Variants in PPP3CA observed in about 807,000 individuals in gnomAD.
PPP3CA encodes CAM-PRP catalytic subunit.
In PPP3CA, 14 loss-of-function variants were observed where a neutral mutation model predicts 66.5. That is an observed-to-expected ratio of 0.21 (90% CI 0.14 to 0.33). PPP3CA has a LOEUF of 0.33. Among genes scored for constraint, PPP3CA ranks in the 10% least tolerant of loss-of-function variants. The pLI is 1.00. For synonymous variants in PPP3CA, 232 were observed against 226.2 expected, an observed-to-expected ratio of 1.03 and a Z score of -0.23; for missense variants, 317 against 639.5, an observed-to-expected ratio of 0.50 and a Z score of 5.44.
At position 101,083,179 on chromosome 4, in the gene PPP3CA, T is replaced by C; in HGVS notation, c.860+7A>G. 2.0e-6 allele frequency: 3 copies of C among 1,476,818 alleles called. No individual in the cohort carries two copies. Among genetic ancestry groups the C allele is most frequent in the East Asian group, 2.6e-5 (1 of 38,178 alleles). 91.5% of individuals were successfully genotyped at this position (1,476,818 alleles called of 1,614,324 possible). ...CATGGTTTTTATAAATGCTCAAAAC[T>C]GCTCACCCTGCATCTTGGGCTTCGT... On this transcript the variant is annotated splice_region_variant and intron_variant, in intron 7 of 13. Transcript: ENST00000394854.
intron 2 of PPP3CA, among the ~76,000 whole-genome samples, chr4:101,128,461 G>T (rs1259311322): frequency 1.3e-5 from 2 of 151,814 alleles, no homozygotes; most frequent in Non-Finnish European, 2.9e-5. Context: ...TGGGCAAGAT[G>T]GCCGAATAGG....
At chr4:101,066,103 C>T (rs1358799291) in intron 8 of PPP3CA, among the ~76,000 whole-genome samples, 3 of 152,126 alleles carry the variant, frequency 2.0e-5, no homozygotes, top group Non-Finnish European at 2.9e-5. Context: ...TATCTGCCCA[C>T]AGTCACACTT....
At chr4:101,324,161 GAA>G (rs1305987057) in intron 1 of PPP3CA, among the ~76,000 whole-genome samples, 31 of 80,880 alleles carry the variant, frequency 3.8e-4, no homozygotes, top group Middle Eastern at 0.014. Flanking sequence ...AGGGAGGAAG[GAA>G]GGAAGGAAGG....
intron 2 of PPP3CA, among the ~76,000 whole-genome samples, chr4:101,176,590 T>A (rs756179936): frequency 6.6e-6 from 1 of 152,068 alleles, no homozygotes; most frequent in Non-Finnish European, 1.5e-5. Context: ...ATATGACTAT[T>A]TAGAGCAGAA....
chr4:101,060,971 A>C, intron 10 of PPP3CA, 116 bp downstream of exon 10: 1 of 858,228 alleles, frequency 1.2e-6, no homozygotes, highest in Non-Finnish European at 1.9e-6. Flanking sequence ...TTTATTCTCA[A>C]TAATGTTACG....
intron 1 of PPP3CA, among the ~76,000 whole-genome samples, chr4:101,262,201 G>A (rs954693503): frequency 6.6e-6 from 1 of 151,832 alleles, no homozygotes; most frequent in Non-Finnish European, 1.5e-5. Context: ...TCTGCAAATA[G>A]GCAGTCAAAG....
intron 1 of PPP3CA, among the ~76,000 whole-genome samples, chr4:101,278,255 G>C (rs930375483): frequency 1.3e-5 from 2 of 151,760 alleles, no homozygotes; most frequent in Non-Finnish European, 2.9e-5. Context: ...TTACAATGAG[G>C]TAAGCATGTC....
At chr4:101,245,423 C>T (rs1045190906) in intron 1 of PPP3CA, among the ~76,000 whole-genome samples, 5 of 152,156 alleles carry the variant, frequency 3.3e-5, no homozygotes, top group African/African-American at 1.2e-4. Context: ...ATATACTGTA[C>T]GCTTTTACCA....
At chr4:101,295,716 C>G (rs1455831513) in intron 1 of PPP3CA, among the ~76,000 whole-genome samples, 1 of 152,216 alleles carries the variant, frequency 6.6e-6, no homozygotes, top group Admixed American at 6.5e-5. Flanking sequence ...AGATGATTAG[C>G]AAACTTACAA....
chr4:101,267,756 G>C (rs986363391), intron 1 of PPP3CA, among the ~76,000 whole-genome samples: 32 of 152,120 alleles, frequency 2.1e-4, no homozygotes, highest in African/African-American at 7.5e-4. Flanking sequence ...TACTAAAAAT[G>C]TTCAATAAAT....
intron 10 of PPP3CA, among the ~76,000 whole-genome samples, chr4:101,047,827 T>C (rs1009439004): frequency 5.9e-5 from 9 of 152,128 alleles, no homozygotes; most frequent in African/African-American, 2.2e-4. Context: ...GGGTCCTAAG[T>C]GTTCAAAAAT....
At chr4:101,085,333 C>T (rs72681038) in intron 6 of PPP3CA, among the ~76,000 whole-genome samples, 28,212 of 151,998 alleles carry the variant, frequency 0.19, 3,353 homozygotes, top group African/African-American at 0.33. Context: ...ACTTAGTTGC[C>T]CTTTCTTATT....
In PPP3CA at chr4:101,033,932, A is replaced by T. The variant is rs547803886; in HGVS notation, c.1242-1568T>A. Among the ~76,000 whole-genome samples, 9 of 152,276 alleles carry T rather than the reference A, an allele frequency of 5.9e-5. No homozygotes were observed. The South Asian group carries it at 1.9e-3, about 32-fold the overall frequency. ...CACCAGCATCACCTACCTGGATTGC[A>T]GGAGCCTTCCGAATGGTCTCTCTGC... On this transcript the variant is annotated intron_variant, in intron 11 of 13. Transcript: ENST00000394854.
At position 101,324,174 on chromosome 4, in the gene PPP3CA, A is replaced by G. The variant is rs868668037; in HGVS notation, c.58+22565T>C. 9.6e-3 allele frequency among the ~76,000 whole-genome samples: 1,208 copies of G among 125,726 alleles called. 22 individuals are homozygous for G. The highest frequency in any genetic ancestry group is 0.035 in the African/African-American group (1,124 of 32,224). 82.5% of individuals were successfully genotyped at this position (125,726 alleles called of 152,430 possible). ...GGAGGGAGGAAGGAAGGAAGGAAGG[A>G]AGGAAGGAAGGAAGGAAGGAAGGAA... On this transcript the variant is annotated intron_variant, in intron 1 of 13. Coordinates refer to ENST00000394854, the MANE Select transcript of PPP3CA (RefSeq NM_000944.5).
chr4:101,174,292 C>T (rs1439678079), intron 2 of PPP3CA, among the ~76,000 whole-genome samples: 2 of 151,984 alleles, frequency 1.3e-5, no homozygotes, highest in East Asian at 1.9e-4. Flanking sequence ...TGAACCTAAA[C>T]GATGTATTTT....
intron 8 of PPP3CA, among the ~76,000 whole-genome samples, chr4:101,068,639 T>C (rs1367288626): frequency 3.3e-5 from 5 of 152,170 alleles, no homozygotes; most frequent in Non-Finnish European, 4.4e-5. Context: ...ATAGCATTCA[T>C]GAACACAGTC....
At chr4:101,112,165 T>A (rs1308832207) in intron 2 of PPP3CA, among the ~76,000 whole-genome samples, 2 of 152,056 alleles carry the variant, frequency 1.3e-5, no homozygotes, top group Admixed American at 6.6e-5. Flanking sequence ...AACATACAAC[T>A]GAAGCATAAT....
intron 2 of PPP3CA, among the ~76,000 whole-genome samples, chr4:101,152,736 T>C (rs918239969): frequency 6.6e-6 from 1 of 152,098 alleles, no homozygotes; most frequent in Admixed American, 6.5e-5. Context: ...GCAAGCACAG[T>C]ATGACACAAT....
chr4:101,214,395 G>A (rs1328821559), intron 1 of PPP3CA, among the ~76,000 whole-genome samples: 10 of 151,950 alleles, frequency 6.6e-5, no homozygotes. Flanking sequence ...TGTACTAAGT[G>A]GTCAATAAAC....
Sources: allele counts gnomAD v4.1 joint callset (sites outside exome capture counted in the v4.1 genomes callset), GRCh38; gene constraint gnomAD v4.1.1; transcripts MANE v1.5; gene names NCBI Gene and HGNC (gene_info 2026-07-23, HGNC 2026-07-21).